The following MAP6 variants were observed in gnomAD, a reference collection of about 807,000 sequenced individuals.
MAP6 encodes microtubule associated protein 6, also known as microtubule-associated protein 6.
A neutral mutation model predicts 42.4 loss-of-function variants in MAP6; 26 were observed. That is an observed-to-expected ratio of 0.61 (90% CI 0.45 to 0.85). The LOEUF (loss-of-function observed/expected upper bound fraction) is 0.85, where lower values mean the gene tolerates loss of function less well. MAP6 is among the 40% of genes least tolerant of loss of function. The pLI, the probability that MAP6 is intolerant of heterozygous loss-of-function variation, is 0.00. For missense variants in MAP6, 966 were observed against 1,099.0 expected, an observed-to-expected ratio of 0.88 and a Z score of 1.71; for synonymous variants, 418 against 443.8, an observed-to-expected ratio of 0.94 and a Z score of 0.73.
At chr11:75,659,970 C>T (rs986934678) in intron 1 of MAP6, among the ~76,000 whole-genome samples, 5 of 152,134 alleles carry the variant, frequency 3.3e-5, no homozygotes, top group Admixed American at 1.3e-4. Flanking sequence ...TCTTGGTCAG[C>T]ATTGTATTTC....
intron 1 of MAP6, among the ~76,000 whole-genome samples, chr11:75,662,263 C>G (rs1943864699): frequency 6.6e-6 from 1 of 152,070 alleles, no homozygotes; most frequent in Non-Finnish European, 1.5e-5. Flanking sequence ...ATACTTACCT[C>G]ACTCCATTCA....
In MAP6 at chr11:75,667,793, C is replaced by A. The variant is rs1195646976; in HGVS notation, c.577G>T (p.Ala193Ser). 35 of 1,308,598 alleles carry A rather than the reference C, an allele frequency of 2.7e-5. No homozygotes were observed. The highest frequency in any genetic ancestry group is 3.7e-5 in the Admixed American group (1 of 27,010). The allele number at this position is 1,308,598 out of a possible 1,614,324, so 81.1% of individuals were successfully genotyped here. ...TGGCTCTGCGGCCGGCGCTTGGGCG[C>A]CCCGAGAATGGGCGCCGACGCCTGG... ...ASQASAPILGAPKRRPQSQER... is the reference protein window; with the variant it reads ...ASQASAPILGSPKRRPQSQER... The change falls in exon 1 of 4, where the codon GCG becomes TCG. Residue 193 changes from alanine (A) to serine (S), a missense_variant. Physicochemically the swap from Ala to Ser is moderately conservative, Grantham distance 99 (BLOSUM62 1). Around this residue, in one of 2 missense-constraint regions of MAP6, gnomAD observed 943 missense variants for 1,049.9 expected, o/e 0.90. Coordinates refer to ENST00000304771, the MANE Select transcript of MAP6 (RefSeq NM_033063.2). The surrounding 1 kb of genome is among the most constrained non-coding windows in gnomAD (Gnocchi z 5.6).
chr11:75,636,779 T>C (rs1943376342), intron 1 of MAP6, among the ~76,000 whole-genome samples: 1 of 152,148 alleles, frequency 6.6e-6, no homozygotes, highest in African/African-American at 2.4e-5. Context: ...TTAGCCTGCT[T>C]GCCCCAGCTT....
intron 1 of MAP6, among the ~76,000 whole-genome samples, chr11:75,618,680 C>T (rs1488630397): frequency 6.6e-6 from 1 of 152,170 alleles, no homozygotes; most frequent in Non-Finnish European, 1.5e-5. Flanking sequence ...CTGGAAGCTT[C>T]CCCACACCAC....
chr11:75,603,517 T>C (rs984683645), intron 3 of MAP6: 1 of 981,134 alleles, frequency 1.0e-6, no homozygotes, highest in Non-Finnish European at 1.2e-6. Flanking sequence ...AAGGGGATAC[T>C]GACAGGTTGA....
intron 1 of MAP6, among the ~76,000 whole-genome samples, chr11:75,656,609 A>G (rs1335278294): frequency 6.6e-6 from 1 of 152,020 alleles, no homozygotes; most frequent in Non-Finnish European, 1.5e-5. Context: ...TACCAGAGAT[A>G]TCGATGCTTG....
At chr11:75,603,481 G>A (rs965307643) in intron 3 of MAP6, 1 of 985,396 alleles carries the variant, frequency 1.0e-6, no homozygotes, top group Non-Finnish European at 1.2e-6. Flanking sequence ...TACAAACAGG[G>A]TTTTCTCAGT....
At chr11:75,591,710 G>A (rs527575024) in intron 3 of MAP6, among the ~76,000 whole-genome samples, 51 of 152,352 alleles carry the variant, frequency 3.3e-4, no homozygotes, top group African/African-American at 1.1e-3. Flanking sequence ...TGTGCACCCC[G>A]AAAGCACTAA....
intron 1 of MAP6, among the ~76,000 whole-genome samples, chr11:75,651,420 C>T (rs556813534): frequency 6.6e-6 from 1 of 152,194 alleles, no homozygotes; most frequent in East Asian, 1.9e-4. Flanking sequence ...GGCGTCATAA[C>T]AGTCCCTCAT....
intron 3 of MAP6, among the ~76,000 whole-genome samples, chr11:75,592,905 C>G (rs2135572856): frequency 6.6e-6 from 1 of 152,336 alleles, no homozygotes; most frequent in South Asian, 2.1e-4. Flanking sequence ...ACGCCCTGCT[C>G]CTTCCCATTT....
intron 1 of MAP6, among the ~76,000 whole-genome samples, chr11:75,622,243 A>C (rs1361393890): frequency 6.6e-6 from 1 of 152,006 alleles, no homozygotes; most frequent in East Asian, 1.9e-4. Flanking sequence ...TTTGATTTTT[A>C]ATTTATTTTT....
At chr11:75,610,363 C>T (rs1341653978) in intron 1 of MAP6, among the ~76,000 whole-genome samples, 2 of 152,214 alleles carry the variant, frequency 1.3e-5, no homozygotes, top group Admixed American at 1.3e-4. Context: ...CATTTTCACC[C>T]ATTCATTCAG....
chr11:75,588,317 A>T, intron 3 of MAP6, 133 bp from the exon 4 acceptor site: 1 of 428,414 alleles, frequency 2.3e-6, no homozygotes, highest in Non-Finnish European at 4.1e-6. Context: ...CCAGGAGAAT[A>T]TGATTTCTGT....
At chr11:75,631,915 G>A (rs542593676) in intron 1 of MAP6, among the ~76,000 whole-genome samples, 2 of 152,282 alleles carry the variant, frequency 1.3e-5, no homozygotes, top group South Asian at 4.1e-4. Context: ...TTGCTGAATG[G>A]ACACCAAGTT....
At chr11:75,606,091 A>T in intron 2 of MAP6, 87 bp from the exon 3 acceptor site, 2 of 1,491,548 alleles carry the variant, frequency 1.3e-6, no homozygotes, top group East Asian at 4.7e-5. Context: ...TGGTTAATTA[A>T]GGAATGACGG....
At chr11:75,604,980 A>G (rs1942732600) in intron 3 of MAP6, 1 of 985,370 alleles carries the variant, frequency 1.0e-6, no homozygotes, top group African/African-American at 1.7e-5. Flanking sequence ...TTTCTTCCTC[A>G]GACATCTCCA....
At chr11:75,598,350 G>C (rs1221335107) in intron 3 of MAP6, among the ~76,000 whole-genome samples, 1 of 152,180 alleles carries the variant, frequency 6.6e-6, no homozygotes. Context: ...GTGGTGGTGG[G>C]GAGGGTCCTG....
chr11:75,635,034 T>C (rs983975549), intron 1 of MAP6, among the ~76,000 whole-genome samples: 6 of 152,184 alleles, frequency 3.9e-5, no homozygotes, highest in African/African-American at 1.4e-4. Context: ...GATTTGATAA[T>C]AATGATCTCT....
chr11:75,639,803 C>G (rs1943432148), intron 1 of MAP6, among the ~76,000 whole-genome samples: 2 of 152,158 alleles, frequency 1.3e-5, no homozygotes, highest in Non-Finnish European at 2.9e-5. Context: ...GACACACACA[C>G]AGAGAGATTA....
Sources: allele counts gnomAD v4.1 joint callset (sites outside exome capture counted in the v4.1 genomes callset), GRCh38; gene constraint gnomAD v4.1.1; regional missense constraint gnomAD v4.1.1; non-coding constraint Gnocchi (gnomAD v3.1); transcripts MANE v1.5; gene names NCBI Gene and HGNC (gene_info 2026-07-23, HGNC 2026-07-21).